The following NT5C1B variants were observed in gnomAD, a reference collection of about 807,000 sequenced individuals.
NT5C1B encodes cytosolic 5'-nucleotidase 1B.
NT5C1B carries 44 observed loss-of-function variants against 57.8 expected under a neutral mutation model. The ratio of observed to expected loss-of-function variants is 0.76; its 90% CI spans 0.60 to 0.98. The LOEUF is 0.98. Ranked by LOEUF, NT5C1B falls within the 50% of genes least tolerant of loss-of-function variation. The pLI is 0.00. For synonymous variants in NT5C1B, 284 were observed against 282.6 expected (o/e 1.00, Z -0.05); for missense variants, 742 against 719.5 (o/e 1.03, Z -0.36).
At position 18,588,276 on chromosome 2, in the gene NT5C1B, T is replaced by C. The variant is rs116537322; in HGVS notation, c.31-684A>G. ...CATTTTCATTTGGAGGAGATACTTATTGGAATATTATTTGAACTGTTTCAT... is the reference window on the plus strand; with the variant it reads ...CATTTTCATTTGGAGGAGATACTTACTGGAATATTATTTGAACTGTTTCAT... On this transcript the variant is annotated intron_variant, in intron 1 of 8. Transcript: ENST00000304081. Among the ~76,000 whole-genome samples, 440 of 152,332 alleles carry C rather than the reference T, an allele frequency of 2.9e-3. 3 individuals are homozygous for C. The highest frequency in any genetic ancestry group is 1.0e-2 in the African/African-American group (415 of 41,574).
intron 2 of NT5C1B, 123 bp from the exon 3 acceptor site, chr2:18,586,514 T>C (rs1254991605): frequency 2.8e-6 from 4 of 1,403,544 alleles, no homozygotes; most frequent in South Asian, 1.4e-5. Context: ...ATCCCTGGCC[T>C]CAATGACTCT....
chr2:18,587,275 A>G, intron 2 of NT5C1B: 1 of 1,492,376 alleles, frequency 6.7e-7, no homozygotes, highest in Non-Finnish European at 8.9e-7. Flanking sequence ...TGAGCAGAGG[A>G]GCCTGCTGTG....
At chr2:18,582,904 C>T (rs1417743208) in exon 6 of NT5C1B, 2 of 1,614,014 alleles carry the variant, frequency 1.2e-6, no homozygotes, top group East Asian at 4.5e-5. Context: ...CGCACTCCCA[C>T]TTGGGCATGG....
intron 5 of NT5C1B, chr2:18,583,560 A>G (rs55895211): frequency 0.024 from 6,915 of 287,024 alleles, 123 homozygotes; most frequent in Middle Eastern, 0.053. Context: ...TTGTTTTTGC[A>G]TGGTTATGAT....
At chr2:18,568,414 G>A (rs541803277) in intron 8 of NT5C1B, among the ~76,000 whole-genome samples, 11 of 152,034 alleles carry the variant, frequency 7.2e-5, no homozygotes, top group African/African-American at 2.4e-4. Flanking sequence ...AGATTTGTAC[G>A]ACATGAAATG....
At chr2:18,589,376 A>G in intron 1 of NT5C1B, 63 bp downstream of exon 1, 1 of 1,608,656 alleles carries the variant, frequency 6.2e-7, no homozygotes, top group South Asian at 1.1e-5. Flanking sequence ...GAGGCAAATG[A>G]TGGACTGATA....
chr2:18,566,693 AATTT>A (rs1330012509), intron 8 of NT5C1B, among the ~76,000 whole-genome samples: 1 of 152,204 alleles, frequency 6.6e-6, no homozygotes, highest in Non-Finnish European at 1.5e-5. Flanking sequence ...TATGTTTTAT[AATTT>A]ATACATTTGC....
chr2:18,567,182 A>G (rs899162097), intron 8 of NT5C1B, among the ~76,000 whole-genome samples: 1 of 152,126 alleles, frequency 6.6e-6, no homozygotes. Context: ...GCCATCCTTG[A>G]TGGTACAGGT....
intron 8 of NT5C1B, among the ~76,000 whole-genome samples, chr2:18,565,421 C>G (rs189956635): frequency 1.3e-5 from 2 of 152,218 alleles, no homozygotes; most frequent in Non-Finnish European, 2.9e-5. Flanking sequence ...AACTATATAT[C>G]TATTTCCTCT....
At chr2:18,582,808 C>T in intron 6 of NT5C1B, 60 bp downstream of exon 6, 1 of 1,575,384 alleles carries the variant, frequency 6.3e-7, no homozygotes, top group Non-Finnish European at 8.6e-7. Flanking sequence ...AGCAAAATAA[C>T]ATGGCTTCTC....
At chr2:18,583,967 A>T (rs1302225088) in intron 5 of NT5C1B, 121 bp downstream of exon 5, 1 of 1,566,256 alleles carries the variant, frequency 6.4e-7, no homozygotes, top group Non-Finnish European at 8.8e-7. Context: ...CTAGAAGGAG[A>T]CAAGAATGAC....
rs115061419 is a variant in NT5C1B, at chr2:18,570,225, C to T, written c.1329+5959G>A. 8.6e-4 allele frequency among the ~76,000 whole-genome samples: 130 copies of T among 152,044 alleles called. 1 individual carries two copies. The highest frequency in any genetic ancestry group is 3.0e-3 in the African/African-American group (123 of 41,544). On this transcript the variant is annotated intron_variant, in intron 8 of 8. Coordinates refer to ENST00000304081, the Ensembl canonical transcript of NT5C1B. ...GCGGTGTTTAGAGGAAAATTTATAGCATTAAGTGCTTATATTAGAAAAGAA... is the reference window on the plus strand; with the variant it reads ...GCGGTGTTTAGAGGAAAATTTATAGTATTAAGTGCTTATATTAGAAAAGAA...
Position 18,584,353 on chromosome 2 carries a change from C to T in NT5C1B, c.724-98G>A. The stretch of plus-strand genomic sequence containing the variant: ...TAGGGTGAGAGTAGGACAGCGGGCC[C>T]CTGCTTGGAGAAGCGGGATGCTGGA... On this transcript the variant is annotated intron_variant, in intron 4 of 8. Coordinates refer to ENST00000304081, the Ensembl canonical transcript of NT5C1B. This position sits in a 1 kb window ranked among gnomAD's most constrained non-coding sequence, Gnocchi z 5.8. 6.4e-7 allele frequency: 1 copy of T among 1,552,680 alleles called. No individual in the cohort carries two copies. The highest frequency in any genetic ancestry group is 8.7e-7 in the Non-Finnish European group (1 of 1,151,862).
rs781054410 is a variant in NT5C1B at position 18,584,621 on chromosome 2, C to G, written c.616G>C (p.Glu206Gln). 4 of 1,612,642 alleles carry G rather than the reference C, an allele frequency of 2.5e-6. No homozygotes were observed. The highest frequency in any genetic ancestry group is 4.5e-5 in the East Asian group (2 of 44,822). The change falls in exon 4 of 9, where the codon GAG (glutamate) becomes CAG (glutamine). Residue 206 changes from glutamate (E) to glutamine (Q), a missense_variant. Transcript: ENST00000304081. The surrounding 1 kb of genome is among the most constrained non-coding windows in gnomAD (Gnocchi z 5.8). ...TCCTCCCGCTGCTGCTGCTGCTGCT[C>G]GGACAGAGAGTTGCGGTCCAGCTGG...
chr2:18,581,256 A>C (rs1033073854), intron 6 of NT5C1B, among the ~76,000 whole-genome samples: 4 of 152,198 alleles, frequency 2.6e-5, no homozygotes, highest in African/African-American at 4.8e-5. Context: ...AGCTTTTAAC[A>C]GGTTTGTACC....
exon 9 of NT5C1B, chr2:18,563,793 C>T (rs1392197082): frequency 6.5e-6 from 10 of 1,534,502 alleles, no homozygotes; most frequent in Non-Finnish European, 8.8e-6. Flanking sequence ...CTCCTCCCTG[C>T]CCCTAACTAC....
At position 18,584,693 on chromosome 2, in the gene NT5C1B, C is replaced by T; in HGVS notation, c.544G>A (p.Glu182Lys). ...CTGCGCTGGCTGGAGGACTTCCACT[C>T]GGTGGGGGACGTGCGCGAATATTCC... The change falls in exon 4 of 9, where the codon GAG becomes AAG. Residue 182 changes from glutamate (E) to lysine (K), a missense_variant. By Grantham distance (56) the Glu-to-Lys change is moderately conservative. Coordinates refer to ENST00000304081, the Ensembl canonical transcript of NT5C1B. This position sits in a 1 kb window ranked among gnomAD's most constrained non-coding sequence, Gnocchi z 5.8. The T allele has an allele frequency of 6.2e-7, 1 of 1,611,802 alleles. No homozygotes were observed. The highest frequency in any genetic ancestry group is 8.5e-7 in the Non-Finnish European group (1 of 1,178,704).
chr2:18,566,888 A>C (rs1213800438), intron 8 of NT5C1B, among the ~76,000 whole-genome samples: 1 of 152,196 alleles, frequency 6.6e-6, no homozygotes, highest in East Asian at 1.9e-4. Context: ...CCTAGCATGA[A>C]AACTAGGGAA....
At chr2:18,579,600 A>G (rs1460915654) in intron 6 of NT5C1B, among the ~76,000 whole-genome samples, 2 of 152,210 alleles carry the variant, frequency 1.3e-5, no homozygotes, top group African/African-American at 4.8e-5. Context: ...CCAAAGATTG[A>G]AATGGGACCC....
Sources: allele counts gnomAD v4.1 joint callset (sites outside exome capture counted in the v4.1 genomes callset), GRCh38; gene constraint gnomAD v4.1.1; non-coding constraint Gnocchi (gnomAD v3.1); transcripts MANE v1.5; gene names NCBI Gene and HGNC (gene_info 2026-07-23, HGNC 2026-07-21).